The following NFIB variants were observed in gnomAD, a reference collection of about 807,000 sequenced individuals.
NFIB encodes nuclear factor I B.
In NFIB, 11 loss-of-function variants were observed where a neutral mutation model predicts 61.5. That is an observed-to-expected ratio of 0.18 (90% confidence interval 0.11 to 0.30). NFIB has a LOEUF of 0.30. Among genes scored for constraint, NFIB ranks in the 10% least tolerant of loss-of-function variants. The pLI, the probability that NFIB is intolerant of heterozygous loss-of-function variation, is 1.00. For missense variants in NFIB, 471 were observed against 608.9 expected (o/e 0.77, Z 2.38); for synonymous variants, 260 against 216.5 (o/e 1.20, Z -1.76).
Position 14,374,893 on chromosome 9 carries a change from G to C in NFIB, c.108+23631C>G, listed in dbSNP as rs547265994. Among the ~76,000 whole-genome samples the C allele has an allele frequency of 5.3e-5, 8 of 152,108 alleles. No individual in the cohort carries two copies. In the East Asian group the frequency reaches 1.5e-3, roughly 29 times the overall value. ...CCACTGCACTCCAGCCTGGGCAACA[G>C]AGCTAGACTCTGTCTCAAAATAAAT... On this transcript the variant is annotated intron_variant, in intron 1 of 8. Coordinates refer to the NFIB transcript ENST00000380934.
intron 1 of NFIB, among the ~76,000 whole-genome samples, chr9:14,395,083 T>C (rs1477521133): frequency 6.6e-6 from 1 of 152,100 alleles, no homozygotes; most frequent in African/African-American, 2.4e-5. Context: ...ACATTTCTGC[T>C]TTTACTAGAC....
chr9:14,148,192 A>C (rs1309709540), intron 5 of NFIB, among the ~76,000 whole-genome samples: 1 of 152,092 alleles, frequency 6.6e-6, no homozygotes, highest in Non-Finnish European at 1.5e-5. Context: ...GCATGACCAC[A>C]GCTCACTGCA....
chr9:14,146,123 CTTAAAG>C (rs1259927124), intron 6 of NFIB, among the ~76,000 whole-genome samples: 2 of 152,114 alleles, frequency 1.3e-5, no homozygotes, highest in Non-Finnish European at 2.9e-5. Context: ...ATACCCATTT[CTTAAAG>C]TTATATTTCT....
the NFIB span, among the ~76,000 whole-genome samples, chr9:14,406,665 G>A: frequency 7.2e-5 from 11 of 152,118 alleles, no homozygotes; most frequent in East Asian, 3.9e-4. Flanking sequence ...GTGTGGTCAC[G>A]TGACTAATTT....
chr9:14,216,534 C>G (rs1587679582), intron 2 of NFIB, among the ~76,000 whole-genome samples: 27 of 34,556 alleles, frequency 7.8e-4, no homozygotes, highest in East Asian at 5.0e-3. Context: ...CTCTCTCTCT[C>G]TCTCTCTCCC....
chr9:14,403,420 T>A (rs1238245955), upstream of NFIB, among the ~76,000 whole-genome samples: 1 of 152,192 alleles, frequency 6.6e-6, no homozygotes, highest in Non-Finnish European at 1.5e-5. Flanking sequence ...TTTCCCTTTT[T>A]TGTGGTGCCC....
chr9:14,237,429 G>A (rs1306766838), intron 2 of NFIB, among the ~76,000 whole-genome samples: 1 of 152,104 alleles, frequency 6.6e-6, no homozygotes, highest in African/African-American at 2.4e-5. Flanking sequence ...CACACACAGG[G>A]AAAAGCTTGG....
chr9:14,460,738 C>T, the NFIB span, among the ~76,000 whole-genome samples: 1 of 152,022 alleles, frequency 6.6e-6, no homozygotes, highest in African/African-American at 2.4e-5. Flanking sequence ...CTTTCTAAAA[C>T]ACAAATTTGA....
the NFIB span, among the ~76,000 whole-genome samples, chr9:14,460,925 T>C: frequency 5.3e-5 from 8 of 152,050 alleles, no homozygotes; most frequent in East Asian, 1.4e-3. Context: ...AAATTTTCTA[T>C]AGTCTTTAGG....
At chr9:14,173,549 C>T (rs779057607) in intron 3 of NFIB, among the ~76,000 whole-genome samples, 14 of 151,984 alleles carry the variant, frequency 9.2e-5, no homozygotes, top group Non-Finnish European at 1.5e-4. Flanking sequence ...AGTATCTAGC[C>T]GAGTGTGATG....
intron 2 of NFIB, among the ~76,000 whole-genome samples, chr9:14,223,817 G>C (rs763654302): frequency 3.2e-4 from 48 of 152,276 alleles, no homozygotes; most frequent in African/African-American, 1.1e-3. Context: ...GTGATTGATA[G>C]AGAAGTACAA....
the NFIB span, among the ~76,000 whole-genome samples, chr9:14,492,752 A>T: frequency 6.6e-6 from 1 of 152,140 alleles, no homozygotes; most frequent in Non-Finnish European, 1.5e-5. Flanking sequence ...ACTGAACATG[A>T]GATTTGGGTG....
At chr9:14,156,563 T>G (rs1001640236) in intron 3 of NFIB, among the ~76,000 whole-genome samples, 2 of 152,188 alleles carry the variant, frequency 1.3e-5, no homozygotes, top group African/African-American at 4.8e-5. Flanking sequence ...TTCTGGCAAA[T>G]GGTGGTGAAT....
chr9:14,495,339 G>T, the NFIB span, among the ~76,000 whole-genome samples: 1 of 151,710 alleles, frequency 6.6e-6, no homozygotes, highest in African/African-American at 2.4e-5. Context: ...AGCTAATCTC[G>T]CACATTGCAA....
At chr9:14,251,808 T>A (rs181878271) in intron 2 of NFIB, among the ~76,000 whole-genome samples, 1 of 152,174 alleles carries the variant, frequency 6.6e-6, no homozygotes, top group Non-Finnish European at 1.5e-5. Flanking sequence ...ATGGCACACT[T>A]AGAGAACAAA....
chr9:14,398,612 G>A (rs907607515), exon 1 of NFIB: 5 of 1,531,944 alleles, frequency 3.3e-6, no homozygotes, highest in Admixed American at 4.0e-5. Context: ...GAAGTCCACA[G>A]ACACTGGGAT....
At chr9:14,113,118 TGAACTATCA>T in intron 9 of NFIB, 37 bp from the exon 10 acceptor site, 15 of 1,537,700 alleles carry the variant, frequency 9.8e-6, no homozygotes, top group Non-Finnish European at 1.3e-5. Flanking sequence ...ATAAAAATTG[TGAACTATCA>T]GAACGAACAC....
chr9:14,088,800 G>T (rs570738659), intron 10 of NFIB, among the ~76,000 whole-genome samples: 27 of 152,184 alleles, frequency 1.8e-4, no homozygotes, highest in Non-Finnish European at 3.1e-4. Context: ...TGCCTATTGG[G>T]TTGAATACAA....
At chr9:14,352,650 C>T (rs932944407) in intron 1 of NFIB, among the ~76,000 whole-genome samples, 21 of 152,324 alleles carry the variant, frequency 1.4e-4, no homozygotes, top group Non-Finnish European at 1.0e-4. Flanking sequence ...GCTGTTTCTA[C>T]GCTGTACTAG....
Sources: allele counts gnomAD v4.1 joint callset (sites outside exome capture counted in the v4.1 genomes callset), GRCh38; gene constraint gnomAD v4.1.1; transcripts MANE v1.5; gene names NCBI Gene and HGNC (gene_info 2026-07-23, HGNC 2026-07-21).